Variants in PDZD2 observed in about 807,000 individuals in gnomAD.
PDZD2 encodes the protein PDZ domain-containing protein 2.
Under a neutral mutation model 220.7 loss-of-function variants are expected in PDZD2, and 90 were observed. The ratio of observed to expected loss-of-function variants is 0.41; its 90% CI spans 0.34 to 0.49. The LOEUF is 0.49. Ranked by LOEUF, PDZD2 falls within the 20% of genes least tolerant of loss-of-function variation. The pLI is 0.28. For missense variants in PDZD2, 3,174 were observed against 3,608.5 expected, an observed-to-expected ratio of 0.88 and a Z score of 3.08; for synonymous variants, 1,375 against 1,450.5, an observed-to-expected ratio of 0.95 and a Z score of 1.18.
rs1281402810 is a variant in PDZD2, at chr5:31,983,502, A to T, written c.824A>T (p.Glu275Val). 4.3e-6 allele frequency: 7 copies of T among 1,614,168 alleles called. No homozygotes were observed. The highest frequency in any genetic ancestry group is 5.9e-6 in the Non-Finnish European group (7 of 1,180,022). The change falls in exon 3 of 25, where the codon GAG becomes GTG. Residue 275 changes from glutamate (E) to valine (V), a missense_variant. Glu to Val is a moderately radical substitution (Grantham distance 121, BLOSUM62 -2). Coordinates refer to ENST00000438447, the MANE Select transcript of PDZD2 (RefSeq NM_178140.4). ...GAAAATGGCCCAGATTCTCTCAAGG[A>T]GGTGGCTGGACCCCATCTAGAGAGG... Reference protein sequence around the residue: ...QLENGPDSLKEVAGPHLERSE... With the variant: ...QLENGPDSLKVVAGPHLERSE...
chr5:31,904,926 G>A lies in PDZD2; in HGVS notation c.477-78229G>A, dbSNP rs552475083. Among the ~76,000 whole-genome samples the A allele has an allele frequency of 2.0e-5, 3 of 151,990 alleles. No homozygotes were observed. The South Asian group carries it at 6.2e-4, about 32-fold the overall frequency. On this transcript the variant is annotated intron_variant, in intron 2 of 24. Transcript: ENST00000438447. Reference sequence around the variant, plus strand: ...TTCGCCTATAAAATTATGCAAGTGAGTCTACTTTTACCAGAGGGAGTGAAT... The same window carrying A: ...TTCGCCTATAAAATTATGCAAGTGAATCTACTTTTACCAGAGGGAGTGAAT...
intron 2 of PDZD2, among the ~76,000 whole-genome samples, chr5:31,982,758 G>A (rs1301940975): frequency 6.6e-6 from 1 of 152,186 alleles, no homozygotes; most frequent in Admixed American, 6.5e-5. Context: ...GGGACTCATA[G>A]TTTTATTCCA....
chr5:31,918,973 G>C (rs374964050), intron 2 of PDZD2, among the ~76,000 whole-genome samples: 1 of 152,182 alleles, frequency 6.6e-6, no homozygotes, highest in South Asian at 2.1e-4. Context: ...CTTTCACCAC[G>C]GCTGTGCACT....
intron 2 of PDZD2, among the ~76,000 whole-genome samples, chr5:31,836,380 C>T (rs1474591908): frequency 1.3e-5 from 2 of 151,908 alleles, no homozygotes; most frequent in African/African-American, 4.8e-5. Context: ...TACAGATGTG[C>T]ACCACCACAC....
chr5:32,081,881 C>G (rs962931543), intron 19 of PDZD2, among the ~76,000 whole-genome samples: 1 of 149,548 alleles, frequency 6.7e-6, no homozygotes, highest in Admixed American at 6.7e-5. Context: ...GCCACCACGC[C>G]CAGCTGATTT....
intron 2 of PDZD2, among the ~76,000 whole-genome samples, chr5:31,974,768 G>A (rs529143204): frequency 5.3e-5 from 8 of 152,170 alleles, no homozygotes; most frequent in Non-Finnish European, 1.2e-4. Context: ...AAACTATGTG[G>A]TGTCTGGGTG....
At chr5:31,911,475 T>G (rs1466386403) in intron 2 of PDZD2, among the ~76,000 whole-genome samples, 1 of 152,226 alleles carries the variant, frequency 6.6e-6, no homozygotes, top group Non-Finnish European at 1.5e-5. Flanking sequence ...CAGAAGCCCC[T>G]GACTTGGAGC....
chr5:31,992,858 T>G, intron 3 of PDZD2, among the ~76,000 whole-genome samples: 1 of 82,810 alleles, frequency 1.2e-5, no homozygotes, highest in Non-Finnish European at 2.9e-5. Context: ...GTGTGCCTCT[T>G]CCATGGAAAA....
At chr5:32,017,105 G>C (rs1168320877) in intron 6 of PDZD2, among the ~76,000 whole-genome samples, 1 of 152,222 alleles carries the variant, frequency 6.6e-6, no homozygotes, top group Admixed American at 6.5e-5. Flanking sequence ...CGTAAGCTTT[G>C]GTCGCCTTCC....
At chr5:31,721,051 T>C (rs1268497783) in intron 1 of PDZD2, among the ~76,000 whole-genome samples, 1 of 152,150 alleles carries the variant, frequency 6.6e-6, no homozygotes, top group Non-Finnish European at 1.5e-5. Context: ...CTTCCTATGC[T>C]TTCATTTTGG....
At chr5:31,957,117 G>A (rs982580560) in intron 2 of PDZD2, among the ~76,000 whole-genome samples, 7 of 152,300 alleles carry the variant, frequency 4.6e-5, no homozygotes, top group Non-Finnish European at 7.4e-5. Flanking sequence ...ATCTTCACCA[G>A]CCTGGAACTC....
chr5:31,677,277 G>A (rs2009350), intron 1 of PDZD2, among the ~76,000 whole-genome samples: 21,809 of 152,016 alleles, frequency 0.14, 2,117 homozygotes, highest in African/African-American at 0.26. Context: ...AAAACCATTC[G>A]AGAGTGAGAC....
chr5:32,052,873 C>T lies in PDZD2; in HGVS notation c.1785+143C>T. On this transcript the variant is annotated intron_variant, in intron 9 of 24. Coordinates refer to ENST00000438447, the MANE Select transcript of PDZD2 (RefSeq NM_178140.4). ...TTGCCCAGGCCGGAGTGCAGTGGTG[C>T]AATCATGGCTCACTGCAGTCTTAAA... The T allele has an allele frequency of 3.8e-6, 3 of 789,754 alleles. No homozygotes were observed. In the South Asian group the frequency reaches 5.1e-5, roughly 13 times the overall value. The allele number at this position is 789,754 out of a possible 1,614,324, so 48.9% of individuals were successfully genotyped here. A position where few individuals can be genotyped will look rare whatever the true frequency, so the allele number is the denominator to read the frequency against.
At chr5:31,851,417 CTT>C (rs1304257703) in intron 2 of PDZD2, among the ~76,000 whole-genome samples, 2 of 152,204 alleles carry the variant, frequency 1.3e-5, no homozygotes, top group Admixed American at 6.5e-5. Context: ...ATCCTCACCT[CTT>C]TGTCAGTTTT....
intron 2 of PDZD2, among the ~76,000 whole-genome samples, chr5:31,951,908 C>T (rs907836451): frequency 3.9e-5 from 6 of 152,132 alleles, no homozygotes; most frequent in African/African-American, 9.7e-5. Context: ...TTTCTTTGCC[C>T]GCAAGCGTCA....
In PDZD2 at chr5:32,016,288, C is replaced by A. The variant is rs60440119; in HGVS notation, c.1407+5806C>A. The stretch of plus-strand genomic sequence containing the variant: ...CGCTCTAAATGTTTCCAAATGTGTC[C>A]GGGCAGTAAGGACTTCTGTTACAGC... On this transcript the variant is annotated intron_variant, in intron 6 of 24. Transcript: ENST00000438447. 8.5e-3 allele frequency among the ~76,000 whole-genome samples: 1,291 copies of A among 152,168 alleles called. 20 individuals are homozygous for A. Among genetic ancestry groups the A allele is most frequent in the African/African-American group, 0.03 (1,233 of 41,502 alleles).
At chr5:32,068,587 A>G (rs1415156158) in intron 14 of PDZD2, among the ~76,000 whole-genome samples, 1 of 152,256 alleles carries the variant, frequency 6.6e-6, no homozygotes, top group African/African-American at 2.4e-5. Context: ...CTACAGACAC[A>G]CTTTGAGTAG....
intron 2 of PDZD2, chr5:31,847,328 T>C (rs1757637281): frequency 5.5e-6 from 2 of 361,630 alleles, no homozygotes; most frequent in South Asian, 6.4e-5. Context: ...CAAAATGAAA[T>C]TTAGAAGACG....
intron 1 of PDZD2, among the ~76,000 whole-genome samples, chr5:31,750,507 A>T (rs1211383138): frequency 6.6e-6 from 1 of 152,218 alleles, no homozygotes; most frequent in Non-Finnish European, 1.5e-5. Context: ...ACAAAGCATG[A>T]ACACAATGTG....
Sources: allele counts gnomAD v4.1 joint callset (sites outside exome capture counted in the v4.1 genomes callset), GRCh38; gene constraint gnomAD v4.1.1; transcripts MANE v1.5; gene names NCBI Gene and HGNC (gene_info 2026-07-23, HGNC 2026-07-21).